The following SLIT2 variants were observed in gnomAD, a reference collection of about 807,000 sequenced individuals.
SLIT2 encodes slit homolog 2 protein.
Under a neutral mutation model 185.7 loss-of-function variants are expected in SLIT2, and 41 were observed. The ratio of observed to expected loss-of-function variants is 0.22; its 90% CI spans 0.17 to 0.29. The LOEUF (loss-of-function observed/expected upper bound fraction) is 0.29, where lower values mean the gene tolerates loss of function less well. Among genes scored for constraint, SLIT2 ranks in the 10% least tolerant of loss-of-function variants. The probability of loss-of-function intolerance (pLI) is 1.00; values close to 1 mark genes in which losing one functional copy is unlikely to be tolerated. For missense variants in SLIT2, 1,571 were observed against 1,909.0 expected (o/e 0.82, Z 3.30); for synonymous variants, 693 against 680.2 (o/e 1.02, Z -0.29).
chr4:20,474,043 A>G (rs1258144120), intron 5 of SLIT2, among the ~76,000 whole-genome samples: 1 of 151,776 alleles, frequency 6.6e-6, no homozygotes, highest in African/African-American at 2.4e-5. Flanking sequence ...AGAGACTGCA[A>G]ATGGTAGGTT....
At chr4:20,255,124 C>T (rs541528691) in intron 1 of SLIT2, 1 of 450,314 alleles carries the variant, frequency 2.2e-6, no homozygotes, top group Non-Finnish European at 4.5e-6. Flanking sequence ...AAGCGAAGGG[C>T]GCGGGGCTAG....
chr4:20,390,612 TG>T (rs1314197572), intron 4 of SLIT2, among the ~76,000 whole-genome samples: 1 of 152,090 alleles, frequency 6.6e-6, no homozygotes, highest in East Asian at 1.9e-4. Context: ...TTTCCTTTTT[TG>T]TTGTATTCTT....
chr4:20,528,818 A>G lies in SLIT2; in HGVS notation c.1463-131A>G, dbSNP rs958681853. 2.2e-5 allele frequency: 14 copies of G among 639,806 alleles called. No homozygotes were observed. The African/African-American group carries it at 2.5e-4, about 12-fold the overall frequency. The allele number at this position is 639,806 out of a possible 1,614,324, so 39.6% of individuals were successfully genotyped here. A position where few individuals can be genotyped will look rare whatever the true frequency, so the allele number is the denominator to read the frequency against. On this transcript the variant is annotated intron_variant, in intron 15 of 36. Transcript: ENST00000504154. The surrounding 1 kb of genome is among the most constrained non-coding windows in gnomAD (Gnocchi z 4.2). ...TCTTTTAACCTTTCTCCTGACATCCATTGACCAAAATACCCCAAGTTGTCT... is the reference window on the plus strand; with the variant it reads ...TCTTTTAACCTTTCTCCTGACATCCGTTGACCAAAATACCCCAAGTTGTCT...
chr4:20,458,170 T>G (rs1713301584), intron 4 of SLIT2, among the ~76,000 whole-genome samples: 1 of 151,850 alleles, frequency 6.6e-6, no homozygotes, highest in Non-Finnish European at 1.5e-5. Flanking sequence ...GTGAACGTAC[T>G]TAACACCAGT....
chr4:20,548,413 C>A, intron 22 of SLIT2, 75 bp from the exon 23 acceptor site: 1 of 765,426 alleles, frequency 1.3e-6, no homozygotes, highest in Middle Eastern at 2.5e-4. Context: ...ATAAGAAGAC[C>A]CTTCTCCTTC....
chr4:20,361,705 A>G (rs1343456915), intron 4 of SLIT2, among the ~76,000 whole-genome samples: 2 of 152,138 alleles, frequency 1.3e-5, no homozygotes, highest in Non-Finnish European at 2.9e-5. Context: ...TAAAGTAGCT[A>G]ATACCTTTAA....
At chr4:20,273,590 T>G (rs1417556156) in intron 4 of SLIT2, among the ~76,000 whole-genome samples, 1 of 152,156 alleles carries the variant, frequency 6.6e-6, no homozygotes, top group East Asian at 1.9e-4. Flanking sequence ...GTCAATTAAA[T>G]GTTTGATTCC....
At chr4:20,256,317 G>T (rs981384601) in intron 1 of SLIT2, among the ~76,000 whole-genome samples, 42 of 57,676 alleles carry the variant, frequency 7.3e-4, no homozygotes, top group African/African-American at 2.5e-3. Context: ...CTTTTTTTTT[G>T]GGGGGGGTGC....
chr4:20,434,037 G>A (rs1174377026), intron 4 of SLIT2, among the ~76,000 whole-genome samples: 4 of 152,120 alleles, frequency 2.6e-5, no homozygotes, highest in Admixed American at 6.5e-5. Context: ...TTAGGATAAA[G>A]CTTTGTGTCC....
intron 4 of SLIT2, among the ~76,000 whole-genome samples, chr4:20,379,334 A>G (rs1402885203): frequency 6.6e-6 from 1 of 152,168 alleles, no homozygotes; most frequent in Non-Finnish European, 1.5e-5. Flanking sequence ...AAAAATAACG[A>G]CATTTATTAT....
In SLIT2 at chr4:20,511,027, A is replaced by G. The variant is rs966853924; in HGVS notation, c.987-39A>G. On this transcript the variant is annotated intron_variant, in intron 10 of 36. Transcript: ENST00000504154. ...TTTTTCCGCAGTAAATCTCACTGAC[A>G]TTTGATTGAATGTAACCTAACCCTA... The G allele has an allele frequency of 1.0e-5, 13 of 1,292,278 alleles. No individual in the cohort carries two copies. The Admixed American group carries it at 1.5e-4, about 15-fold the overall frequency. The allele number at this position is 1,292,278 out of a possible 1,614,324, so 80.1% of individuals were successfully genotyped here. A position where few individuals can be genotyped will look rare whatever the true frequency, so the allele number is the denominator to read the frequency against.
intron 11 of SLIT2, among the ~76,000 whole-genome samples, chr4:20,511,989 T>C (rs955457605): frequency 6.6e-6 from 1 of 152,178 alleles, no homozygotes; most frequent in Non-Finnish European, 1.5e-5. Context: ...AAGATAGCTA[T>C]GTAAATTAAA....
intron 4 of SLIT2, among the ~76,000 whole-genome samples, chr4:20,413,953 T>G (rs1727458259): frequency 6.6e-6 from 1 of 152,090 alleles, no homozygotes; most frequent in Admixed American, 6.6e-5. Context: ...TACTGACAAA[T>G]TAGGATTTAT....
At position 20,549,109 on chromosome 4, in the gene SLIT2, T is replaced by C. The variant is rs1326257799; in HGVS notation, c.2470T>C (p.Leu824=). 6.3e-7 allele frequency: 1 copy of C among 1,593,038 alleles called. No individual in the cohort carries two copies. The highest frequency in any genetic ancestry group is 8.6e-7 in the Non-Finnish European group (1 of 1,161,360). Reference sequence around the variant, plus strand: ...TATTCCTCCTCGCACCTTTGATGGATTAAAGTCTCTTCGATTACTGTAAGC... The same window carrying C: ...TATTCCTCCTCGCACCTTTGATGGACTAAAGTCTCTTCGATTACTGTAAGC... The part of the protein sequence containing the change: ...RCIPPRTFDG[L]KSLRLLSLHG... Residue 824 remains leucine, a synonymous_variant, in exon 24 of 37, where the codon TTA becomes CTA. Transcript: ENST00000504154.
chr4:20,570,729 ATG>A (rs111454657), intron 29 of SLIT2, among the ~76,000 whole-genome samples: 7,381 of 44,598 alleles, frequency 0.17, 243 homozygotes, highest in Non-Finnish European at 0.23. Context: ...ATATATATAT[ATG>A]TATATATATA....
intron 4 of SLIT2, among the ~76,000 whole-genome samples, chr4:20,348,817 C>T (rs1338162257): frequency 6.6e-6 from 1 of 152,180 alleles, no homozygotes; most frequent in East Asian, 1.9e-4. Context: ...GGAGTTCATC[C>T]TCCCAGATTC....
At chr4:20,441,142 C>G (rs535120606) in intron 4 of SLIT2, among the ~76,000 whole-genome samples, 1 of 152,228 alleles carries the variant, frequency 6.6e-6, no homozygotes, top group South Asian at 2.1e-4. Flanking sequence ...TAAATCCTCC[C>G]TCAACCAGGA....
chr4:20,422,776 A>G (rs1240536671), intron 4 of SLIT2, among the ~76,000 whole-genome samples: 1 of 152,112 alleles, frequency 6.6e-6, no homozygotes, highest in Non-Finnish European at 1.5e-5. Context: ...ATTTTTGAGC[A>G]GCAGAAAGGA....
At chr4:20,389,845 C>T (rs1232257770) in intron 4 of SLIT2, among the ~76,000 whole-genome samples, 1 of 152,038 alleles carries the variant, frequency 6.6e-6, no homozygotes, top group African/African-American at 2.4e-5. Context: ...GCTCTATTGC[C>T]AGACATGTAT....
Sources: gnomAD v4.1 joint callset for allele counts (sites outside exome capture counted in the v4.1 genomes callset) on GRCh38, gnomAD v4.1.1 for gene constraint, Gnocchi (gnomAD v3.1) non-coding constraint, MANE v1.5 for transcripts, NCBI Gene and HGNC (gene_info 2026-07-23, HGNC 2026-07-21) for gene names.